PPFIA2: variants seen among roughly 807,000 people sequenced by gnomAD.
PPFIA2 encodes liprin-alpha-2.
In PPFIA2, 46 loss-of-function variants were observed where a neutral mutation model predicts 175.5. The observed-to-expected ratio is 0.26, with a 90% CI of 0.21 to 0.34. The LOEUF is 0.34. Among genes scored for constraint, PPFIA2 ranks in the 10% least tolerant of loss-of-function variants. The pLI is 1.00. For missense variants in PPFIA2, 1,179 were observed against 1,506.1 expected (o/e 0.78, Z 3.60); for synonymous variants, 568 against 511.4 (o/e 1.11, Z -1.49).
chr12:81,338,177 G>C (rs2140245753), intron 21 of PPFIA2, among the ~76,000 whole-genome samples: 1 of 152,082 alleles, frequency 6.6e-6, no homozygotes, highest in East Asian at 1.9e-4. Flanking sequence ...CCTGGAGTTG[G>C]GTATTCCTTG....
intron 3 of PPFIA2, among the ~76,000 whole-genome samples, chr12:81,692,329 T>C (rs1284442475): frequency 1.3e-5 from 2 of 152,106 alleles, no homozygotes; most frequent in East Asian, 1.9e-4. Flanking sequence ...GATTGCAGCC[T>C]TGTGAGAGAT....
At chr12:81,719,528 T>A (rs900635174) in intron 3 of PPFIA2, among the ~76,000 whole-genome samples, 31 of 151,438 alleles carry the variant, frequency 2.0e-4, no homozygotes, top group African/African-American at 6.5e-4. Flanking sequence ...GTGTCATACT[T>A]CTTCTTCCTC....
At chr12:81,261,901 C>A in intron 32 of PPFIA2, 48 bp downstream of exon 32, 1 of 1,295,546 alleles carries the variant, frequency 7.7e-7, no homozygotes, top group South Asian at 1.3e-5. Context: ...TATGTAGGTT[C>A]CATTTTTTTG....
intron 4 of PPFIA2, among the ~76,000 whole-genome samples, chr12:81,521,928 T>C (rs1340702212): frequency 6.6e-6 from 1 of 152,196 alleles, no homozygotes; most frequent in Non-Finnish European, 1.5e-5. Context: ...AAGTTTACAT[T>C]GTAGATTGTT....
intron 29 of PPFIA2, chr12:81,267,276 C>T (rs760966337): frequency 5.5e-6 from 3 of 544,796 alleles, no homozygotes; most frequent in East Asian, 4.1e-5. Flanking sequence ...GGCCTCACTT[C>T]GTTACTATAT....
intron 28 of PPFIA2, among the ~76,000 whole-genome samples, chr12:81,268,993 C>A (rs1224374811): frequency 6.6e-6 from 1 of 152,158 alleles, no homozygotes; most frequent in Admixed American, 6.5e-5. Context: ...TTCAAGCACT[C>A]AGTCAAATGT....
intron 9 of PPFIA2, among the ~76,000 whole-genome samples, chr12:81,381,801 G>A (rs1454816438): frequency 1.3e-5 from 2 of 151,534 alleles, no homozygotes; most frequent in African/African-American, 4.8e-5. Flanking sequence ...TCTTTTTTTT[G>A]TTTTGTTTTG....
At chr12:81,602,613 A>G (rs1432703560) in intron 4 of PPFIA2, among the ~76,000 whole-genome samples, 23 of 151,870 alleles carry the variant, frequency 1.5e-4, no homozygotes, top group Non-Finnish European at 1.5e-5. Context: ...GGCTTTCAAA[A>G]AGGATTTCTT....
rs115637043 is a variant in PPFIA2, at chr12:81,393,837, A to C, written c.763-9593T>G. On this transcript the variant is annotated intron_variant, in intron 8 of 32. Coordinates refer to ENST00000549396, the MANE Select transcript of PPFIA2 (RefSeq NM_003625.5). Reference sequence around the variant, plus strand: ...AATTTGGGAACATGAGTATGAACCTAAACTTCAACTGGTAAAACTTGGAGA... The same window carrying C: ...AATTTGGGAACATGAGTATGAACCTCAACTTCAACTGGTAAAACTTGGAGA... Among the ~76,000 whole-genome samples, 237 of 152,194 alleles carry C rather than the reference A, an allele frequency of 1.6e-3. 2 individuals carry two copies. The highest frequency in any genetic ancestry group is 4.9e-3 in the African/African-American group (205 of 41,548).
intron 3 of PPFIA2, among the ~76,000 whole-genome samples, chr12:81,714,563 C>T (rs1421376984): frequency 1.3e-5 from 2 of 150,746 alleles, no homozygotes; most frequent in Non-Finnish European, 3.0e-5. Context: ...ATATTGAATG[C>T]CCTCGAATAG....
rs372025805 is a variant in PPFIA2, at chr12:81,353,359, A to T, written c.1774-20T>A. 36 of 1,528,216 alleles carry T rather than the reference A, an allele frequency of 2.4e-5. No individual in the cohort carries two copies. Among genetic ancestry groups the T allele is most frequent in the Non-Finnish European group, 3.3e-5 (36 of 1,102,266 alleles). The allele number at this position is 1,528,216 out of a possible 1,614,324, so 94.7% of individuals were successfully genotyped here. A position where few individuals can be genotyped will look rare whatever the true frequency, so the allele number is the denominator to read the frequency against. ...TTTCACCTGAATGGTGAATGAAAAAATGCAGAATATTTATCATATTGCTCA... is the reference window on the plus strand; with the variant it reads ...TTTCACCTGAATGGTGAATGAAAAATTGCAGAATATTTATCATATTGCTCA... On this transcript the variant is annotated intron_variant, in intron 16 of 32. Coordinates refer to ENST00000549396, the MANE Select transcript of PPFIA2 (RefSeq NM_003625.5).
At position 81,445,661 on chromosome 12, in the gene PPFIA2, C is replaced by T. The variant is rs755834180; in HGVS notation, c.465G>A (p.Thr155=). The change falls in exon 6 of 33, where the codon ACG becomes ACA. Residue 155 remains threonine (T), a synonymous_variant. Transcript: ENST00000549396. ...VSRHERSLRM[T]VVKRQAQSPS... is the part of the protein sequence containing the mutation. ...GAGACTGGGCTTGCCGTTTTACCAC[C>T]GTCATTCTTAGTGATCTTTCATGTC... The T allele has an allele frequency of 1.3e-5, 21 of 1,613,732 alleles. No individual in the cohort carries two copies. Among genetic ancestry groups the T allele is most frequent in the Non-Finnish European group, 1.7e-5 (20 of 1,179,842 alleles).
At position 81,528,507 on chromosome 12, in the gene PPFIA2, G is replaced by C. The variant is rs138509185; in HGVS notation, c.304-70641C>G. ...CTAGGTATGAGGGGAAATAAAACAA[G>C]TTCCTGACAACAGAATTGGCTTTCT... On this transcript the variant is annotated intron_variant, in intron 4 of 32. Coordinates refer to ENST00000549396, the MANE Select transcript of PPFIA2 (RefSeq NM_003625.5). Among the ~76,000 whole-genome samples, 10 of 152,170 alleles carry C rather than the reference G, an allele frequency of 6.6e-5. No individual in the cohort carries two copies. In the East Asian group the frequency reaches 1.9e-3, roughly 29 times the overall value.
intron 4 of PPFIA2, among the ~76,000 whole-genome samples, chr12:81,640,072 A>G (rs1248427491): frequency 1.3e-5 from 2 of 152,148 alleles, no homozygotes; most frequent in Non-Finnish European, 2.9e-5. Flanking sequence ...ACTTAGCTGT[A>G]TTTAATGACC....
chr12:81,441,966 G>T (rs1449972976), intron 6 of PPFIA2, among the ~76,000 whole-genome samples: 1 of 151,938 alleles, frequency 6.6e-6, no homozygotes, highest in Admixed American at 6.6e-5. Context: ...AAAGTCATTC[G>T]CATAATATAA....
chr12:81,518,685 CT>C (rs1235726328), intron 4 of PPFIA2, among the ~76,000 whole-genome samples: 14 of 152,158 alleles, frequency 9.2e-5, no homozygotes, highest in African/African-American at 3.1e-4. Context: ...CTTTCCCTGC[CT>C]TATCATTTTT....
chr12:81,523,407 C>T (rs895426754), intron 4 of PPFIA2, among the ~76,000 whole-genome samples: 10 of 152,098 alleles, frequency 6.6e-5, no homozygotes, highest in African/African-American at 2.4e-4. Context: ...AACGTATCTT[C>T]CTAATTAAAA....
chr12:81,546,614 C>T (rs1315509560), intron 4 of PPFIA2, among the ~76,000 whole-genome samples: 1 of 152,170 alleles, frequency 6.6e-6, no homozygotes, highest in Non-Finnish European at 1.5e-5. Context: ...CTATCACACC[C>T]ACAGAGATCT....
At chr12:81,301,707 A>C (rs1462618374) in intron 22 of PPFIA2, among the ~76,000 whole-genome samples, 1 of 152,100 alleles carries the variant, frequency 6.6e-6, no homozygotes, top group Admixed American at 6.6e-5. Flanking sequence ...TGTTCTTTGG[A>C]AACAACCCAG....
Sources: gnomAD v4.1 joint callset for allele counts (sites outside exome capture counted in the v4.1 genomes callset) on GRCh38, gnomAD v4.1.1 for gene constraint, MANE v1.5 for transcripts, NCBI Gene and HGNC (gene_info 2026-07-23, HGNC 2026-07-21) for gene names.